Variants in GOPC observed in about 807,000 individuals in gnomAD.
The protein encoded by GOPC is Golgi-associated PDZ and coiled-coil motif-containing protein.
GOPC carries 32 observed loss-of-function variants against 51.2 expected under a neutral mutation model. That is an observed-to-expected ratio of 0.63 (90% confidence interval 0.47 to 0.84). The LOEUF (loss-of-function observed/expected upper bound fraction) is 0.84, where lower values mean the gene tolerates loss of function less well. Among genes scored for constraint, GOPC ranks in the 40% least tolerant of loss-of-function variants. GOPC has a pLI of 0.00. For synonymous variants in GOPC, 190 were observed against 205.1 expected (o/e 0.93, Z 0.63); for missense variants, 441 against 555.5 (o/e 0.79, Z 2.07).
intron 4 of GOPC, among the ~76,000 whole-genome samples, chr6:117,574,469 C>T (rs1186057477): frequency 6.6e-6 from 1 of 151,864 alleles, no homozygotes; most frequent in East Asian, 1.9e-4. Context: ...AACTAAATAC[C>T]AACACGTTTT....
chr6:117,569,962 T>C, intron 6 of GOPC: 2 of 390,452 alleles, frequency 5.1e-6, no homozygotes, highest in Admixed American at 9.6e-5. Flanking sequence ...TATGTGTTAG[T>C]ACTCCATAGC....
At chr6:117,578,677 T>C (rs555943084) in intron 2 of GOPC, among the ~76,000 whole-genome samples, 1 of 152,198 alleles carries the variant, frequency 6.6e-6, no homozygotes, top group African/African-American at 2.4e-5. Context: ...TATACATATA[T>C]TTTAAATAGG....
intron 1 of GOPC, among the ~76,000 whole-genome samples, chr6:117,590,941 C>T (rs1780107675): frequency 6.6e-6 from 1 of 152,204 alleles, no homozygotes; most frequent in Admixed American, 6.5e-5. Context: ...CAACCTCCAC[C>T]TCCCAGGTTC....
chr6:117,592,635 T>C (rs1780135114), intron 1 of GOPC, among the ~76,000 whole-genome samples: 1 of 152,168 alleles, frequency 6.6e-6, no homozygotes, highest in Admixed American at 6.5e-5. Context: ...CAGCACACTT[T>C]CATTGGATTT....
Position 117,560,672 on chromosome 6 carries a change from C to T in GOPC, c.*2582G>A, listed in dbSNP as rs142084786. On this transcript the variant is annotated 3_prime_UTR_variant, in exon 9 of 9. Coordinates refer to ENST00000368498, the MANE Select transcript of GOPC (RefSeq NM_020399.4). ...ATTTATTTTAACAATAGTCTCACCA[C>T]CAAAATGTTGCTTTTCCATCATATT... The T allele has an allele frequency of 1.5e-5, 3 of 196,666 alleles. No individual in the cohort carries two copies. The highest frequency in any genetic ancestry group is 6.1e-5 in the Admixed American group (1 of 16,484). 12.2% of individuals were successfully genotyped at this position (196,666 alleles called of 1,614,324 possible).
chr6:117,568,063 G>A (rs1779734609), intron 7 of GOPC, among the ~76,000 whole-genome samples: 1 of 151,500 alleles, frequency 6.6e-6, no homozygotes, highest in Non-Finnish European at 1.5e-5. Context: ...GCTGGCCATG[G>A]TGGCAGGCAT....
At chr6:117,563,940 G>GT in intron 8 of GOPC, among the ~76,000 whole-genome samples, 1 of 148,220 alleles carries the variant, frequency 6.7e-6, no homozygotes, top group East Asian at 2.0e-4. Context: ...TGTAAAAATT[G>GT]TATTAAGTTT....
At chr6:117,584,045 T>C (rs923245446) in intron 1 of GOPC, among the ~76,000 whole-genome samples, 5 of 152,238 alleles carry the variant, frequency 3.3e-5, no homozygotes, top group African/African-American at 1.2e-4. Context: ...GTACCAGACC[T>C]TTAATCAAAG....
chr6:117,565,247 G>GT (rs1779672407), intron 8 of GOPC, among the ~76,000 whole-genome samples: 1 of 152,116 alleles, frequency 6.6e-6, no homozygotes, highest in East Asian at 1.9e-4. Flanking sequence ...GATGATAGCT[G>GT]TATTTTCATA....
At chr6:117,570,475 T>A (rs918423619) in intron 6 of GOPC, among the ~76,000 whole-genome samples, 2 of 151,714 alleles carry the variant, frequency 1.3e-5, no homozygotes, top group Non-Finnish European at 2.9e-5. Context: ...GCCAGTGAAA[T>A]CTGACAGCTA....
In GOPC at chr6:117,586,181, T is replaced by C. The variant is rs181969973; in HGVS notation, c.286-7117A>G. 2.4e-4 allele frequency among the ~76,000 whole-genome samples: 37 copies of C among 152,276 alleles called. 1 individual carries two copies. The highest frequency in any genetic ancestry group is 7.2e-4 in the Admixed American group (11 of 15,304). On this transcript the variant is annotated intron_variant, in intron 1 of 8. Coordinates refer to ENST00000368498, the MANE Select transcript of GOPC (RefSeq NM_020399.4). ...TAGTGTCAATATCCCAAATTTATCA[T>C]AGACATCCATCTACTTTTCAAAAGG...
intron 6 of GOPC, 90 bp from the exon 7 acceptor site, chr6:117,569,826 T>G (rs562170051): frequency 7.3e-7 from 1 of 1,361,966 alleles, no homozygotes; most frequent in Admixed American, 3.0e-5. Context: ...CTTAAAAATA[T>G]ATTTCATTAA....
chr6:117,594,186 C>T (rs945074643), intron 1 of GOPC, among the ~76,000 whole-genome samples: 1 of 152,182 alleles, frequency 6.6e-6, no homozygotes, highest in Non-Finnish European at 1.5e-5. Context: ...GCTTCTTTTG[C>T]CCTCTTCTCT....
At chr6:117,578,304 A>G (rs1327798757) in intron 2 of GOPC, among the ~76,000 whole-genome samples, 2 of 152,154 alleles carry the variant, frequency 1.3e-5, no homozygotes, top group African/African-American at 4.8e-5. Flanking sequence ...AGAAAGATTT[A>G]ATAATAAGTT....
intron 3 of GOPC, among the ~76,000 whole-genome samples, chr6:117,576,139 G>A (rs1313252997): frequency 2.6e-5 from 4 of 151,738 alleles, no homozygotes; most frequent in South Asian, 2.1e-4. Flanking sequence ...CAATAAATAC[G>A]ATAATCCTAA....
chr6:117,582,233 TCTCTCTCA>T (rs1220658866), intron 1 of GOPC, among the ~76,000 whole-genome samples: 1 of 149,670 alleles, frequency 6.7e-6, no homozygotes, highest in African/African-American at 2.5e-5. Context: ...GTTCTCTCTC[TCTCTCTCA>T]CTCTCTCCCT....
chr6:117,588,552 A>T (rs1019975731), intron 1 of GOPC, among the ~76,000 whole-genome samples: 1 of 152,212 alleles, frequency 6.6e-6, no homozygotes, highest in African/African-American at 2.4e-5. Context: ...CAAGGATTAC[A>T]GGCGTGAGTT....
rs1382933934 is a variant in GOPC, at chr6:117,563,356, TG to T, written c.1286del (p.Thr429AsnfsTer15). ...CAGTGCCCAGGTCTCCATTTTCATG[TG>T]TGTCAGTTACTGCCTTCTTATTAAA... ...QGFNKKAVTDTHENGDLGTAS... is the reference protein window; with the variant it reads ...QGFNKKAVTDXHENGDLGTAS... On this transcript the variant is annotated frameshift_variant, in exon 9 of 9. Transcript: ENST00000368498. LOFTEE classifies it high-confidence loss of function. 6.2e-7 allele frequency: 1 copy of T among 1,613,692 alleles called. No homozygotes were observed. Among genetic ancestry groups the T allele is most frequent in the Non-Finnish European group, 8.5e-7 (1 of 1,179,752 alleles).
At chr6:117,586,294 T>C (rs1427074666) in intron 1 of GOPC, among the ~76,000 whole-genome samples, 1 of 152,068 alleles carries the variant, frequency 6.6e-6, no homozygotes, top group African/African-American at 2.4e-5. Context: ...AAAATACTAA[T>C]GTATTAGTTA....
Sources: gnomAD v4.1 joint callset for allele counts (sites outside exome capture counted in the v4.1 genomes callset) on GRCh38, gnomAD v4.1.1 for gene constraint, MANE v1.5 for transcripts, NCBI Gene and HGNC (gene_info 2026-07-23, HGNC 2026-07-21) for gene names.